Variants in RNLS observed in about 807,000 individuals in gnomAD.
RNLS encodes renalase.
Under a neutral mutation model 39.8 loss-of-function variants are expected in RNLS, and 39 were observed. That is an observed-to-expected ratio of 0.98 (90% CI 0.76 to 1.28). RNLS has a LOEUF of 1.28. RNLS is among the 50% of genes most tolerant of loss of function. The pLI, the probability that RNLS is intolerant of heterozygous loss-of-function variation, is 0.00. For synonymous variants in RNLS, 147 were observed against 150.7 expected, an observed-to-expected ratio of 0.98 and a Z score of 0.18; for missense variants, 410 against 413.3, an observed-to-expected ratio of 0.99 and a Z score of 0.07.
chr10:88,502,408 C>T (rs1845554723), intron 4 of RNLS, among the ~76,000 whole-genome samples: 1 of 152,040 alleles, frequency 6.6e-6, no homozygotes. Flanking sequence ...TTAAAAAGAG[C>T]ATGGCTTCCC....
the RNLS span, among the ~76,000 whole-genome samples, chr10:88,187,244 A>G: frequency 7.1e-6 from 1 of 140,876 alleles, no homozygotes; most frequent in South Asian, 2.2e-4. Flanking sequence ...CCATGAAGGT[A>G]AAGAAGCTCC....
At chr10:88,206,390 A>G in the RNLS span, among the ~76,000 whole-genome samples, 1 of 152,154 alleles carries the variant, frequency 6.6e-6, no homozygotes, top group Non-Finnish European at 1.5e-5. Context: ...TATATTTAAC[A>G]TTTGCCCAGG....
intron 4 of RNLS, among the ~76,000 whole-genome samples, chr10:88,488,546 CAAA>C (rs3033822): frequency 1.6e-3 from 129 of 78,992 alleles, no homozygotes; most frequent in African/African-American, 4.6e-3. Flanking sequence ...AACTCCGTCT[CAAA>C]AAAAAAAAAA....
chr10:88,574,556 G>A (rs2576160), intron 3 of RNLS, among the ~76,000 whole-genome samples: 56,879 of 151,652 alleles, frequency 0.38, 10,758 homozygotes, highest in East Asian at 0.54. Flanking sequence ...CCTTCATGTC[G>A]GGTCTTCAGA....
chr10:88,447,543 T>C (rs1241216071), intron 4 of RNLS, among the ~76,000 whole-genome samples: 2 of 152,222 alleles, frequency 1.3e-5, no homozygotes, highest in South Asian at 2.1e-4. Context: ...TCCATGCTCA[T>C]GGGTAGGAAG....
intron 4 of RNLS, among the ~76,000 whole-genome samples, chr10:88,545,241 C>T (rs1848238464): frequency 6.6e-6 from 1 of 151,942 alleles, no homozygotes; most frequent in Non-Finnish European, 1.5e-5. Context: ...TTTATCTTCC[C>T]TTTTCTAGAA....
chr10:88,331,640 G>A (rs1287970651), intron 5 of RNLS, among the ~76,000 whole-genome samples: 1 of 152,148 alleles, frequency 6.6e-6, no homozygotes, highest in East Asian at 1.9e-4. Flanking sequence ...TTCACATGAG[G>A]AGAGAAGTTG....
At chr10:88,557,053 G>GA (rs112214478) in intron 4 of RNLS, among the ~76,000 whole-genome samples, 2,568 of 148,186 alleles carry the variant, frequency 0.017, 83 homozygotes, top group African/African-American at 0.059. Context: ...TCTGTAAAAT[G>GA]AAAAAAAAAT....
chr10:88,238,948 A>G, the RNLS span, among the ~76,000 whole-genome samples: 1 of 152,126 alleles, frequency 6.6e-6, no homozygotes, highest in Admixed American at 6.5e-5. Flanking sequence ...ATGTGGTAGG[A>G]TGTCTTCTTA....
At chr10:88,525,410 G>A (rs1027836916) in intron 4 of RNLS, among the ~76,000 whole-genome samples, 1 of 152,092 alleles carries the variant, frequency 6.6e-6, no homozygotes. Flanking sequence ...TCAATGCTAA[G>A]GGAAGGTGTT....
At chr10:88,518,641 G>C (rs1304791963) in intron 4 of RNLS, among the ~76,000 whole-genome samples, 1 of 151,948 alleles carries the variant, frequency 6.6e-6, no homozygotes, top group Non-Finnish European at 1.5e-5. Flanking sequence ...GAAAGCTAAA[G>C]TCCAGGGTAA....
chr10:88,332,546 G>T (rs1847195099), intron 5 of RNLS, among the ~76,000 whole-genome samples: 1 of 152,206 alleles, frequency 6.6e-6, no homozygotes, highest in Non-Finnish European at 1.5e-5. Flanking sequence ...GAAGAGGTTT[G>T]AATTAACAGC....
chr10:88,562,083 G>A (rs1849226341), intron 4 of RNLS, among the ~76,000 whole-genome samples: 1 of 152,052 alleles, frequency 6.6e-6, no homozygotes, highest in Non-Finnish European at 1.5e-5. Flanking sequence ...ATTGTCAAAC[G>A]TAAGAGTGAG....
chr10:88,353,032 G>T (rs990921536), intron 5 of RNLS, among the ~76,000 whole-genome samples: 2 of 152,130 alleles, frequency 1.3e-5, no homozygotes, highest in East Asian at 3.8e-4. Context: ...TATTTCTGTG[G>T]GATCAGTGGG....
chr10:88,446,581 G>T (rs1053160659), intron 4 of RNLS, among the ~76,000 whole-genome samples: 1 of 151,996 alleles, frequency 6.6e-6, no homozygotes, highest in Non-Finnish European at 1.5e-5. Flanking sequence ...GACTAATAAA[G>T]AAGAAAATAG....
chr10:88,288,481 A>G (rs1311930846), intron 6 of RNLS, among the ~76,000 whole-genome samples: 1 of 152,174 alleles, frequency 6.6e-6, no homozygotes, highest in African/African-American at 2.4e-5. Flanking sequence ...ACACATATTC[A>G]TATCTATACA....
chr10:88,341,058 C>CAAAAA (rs58277887), intron 5 of RNLS, among the ~76,000 whole-genome samples: 66 of 128,474 alleles, frequency 5.1e-4, no homozygotes, highest in Middle Eastern at 4.3e-3. Context: ...GATTCTGTCT[C>CAAAAA]AAAAAAAAAA....
chr10:88,324,895 C>T (rs542415098), intron 5 of RNLS, among the ~76,000 whole-genome samples: 22 of 152,238 alleles, frequency 1.4e-4, no homozygotes, highest in African/African-American at 3.6e-4. Flanking sequence ...TGGAGTCATA[C>T]AGTATTTGTC....
chr10:88,506,528 A>T (rs921354815), intron 4 of RNLS, among the ~76,000 whole-genome samples: 3 of 151,872 alleles, frequency 2.0e-5, no homozygotes, highest in Non-Finnish European at 4.4e-5. Flanking sequence ...CAGGAAAAAT[A>T]AAACAAATGA....
Sources: gnomAD v4.1 joint callset for allele counts (sites outside exome capture counted in the v4.1 genomes callset) on GRCh38, gnomAD v4.1.1 for gene constraint, MANE v1.5 for transcripts, NCBI Gene and HGNC (gene_info 2026-07-23, HGNC 2026-07-21) for gene names.